SCUBE1: variants seen among roughly 807,000 people sequenced by gnomAD.
SCUBE1 encodes the protein signal peptide, CUB and EGF-like domain-containing protein 1.
A neutral mutation model predicts 124.4 loss-of-function variants in SCUBE1; 59 were observed. The observed-to-expected ratio is 0.47, with a 90% confidence interval of 0.38 to 0.59. The LOEUF (loss-of-function observed/expected upper bound fraction) is 0.59. SCUBE1 is among the 20% of genes least tolerant of loss of function. The pLI is 0.00. For synonymous variants in SCUBE1, 545 were observed against 550.9 expected, an observed-to-expected ratio of 0.99 and a Z score of 0.15; for missense variants, 1,150 against 1,371.2, an observed-to-expected ratio of 0.84 and a Z score of 2.55.
chr22:43,336,691 A>G lies in SCUBE1; in HGVS notation c.220+2413T>C, dbSNP rs559816398. ...CCTAGAGTCAGAAGTGTGATGATGG[A>G]GGGAAGCCCAGAAGCCTCTGGGAGC... On this transcript the variant is annotated intron_variant, in intron 2 of 21. Transcript: ENST00000360835. Among the ~76,000 whole-genome samples, 4 of 152,268 alleles carry G rather than the reference A, an allele frequency of 2.6e-5. No individual in the cohort carries two copies. The East Asian group carries it at 7.7e-4, about 29-fold the overall frequency.
At chr22:43,212,266 C>T (rs184842783) in intron 17 of SCUBE1, among the ~76,000 whole-genome samples, 159 bp downstream of exon 17, 6 of 152,252 alleles carry the variant, frequency 3.9e-5, no homozygotes, top group African/African-American at 1.4e-4. Flanking sequence ...ATGCGGGGCA[C>T]AGTGGGTCAC....
intron 7 of SCUBE1, 89 bp downstream of exon 7, chr22:43,238,749 C>G (rs562692014): frequency 1.8e-6 from 2 of 1,104,800 alleles, no homozygotes; most frequent in Non-Finnish European, 2.8e-6. Flanking sequence ...CCCCGTTCAG[C>G]CCAGCCCTGG....
chr22:43,208,374 C>T (rs1921389000), intron 19 of SCUBE1, 150 bp from the exon 20 acceptor site: 2 of 716,004 alleles, frequency 2.8e-6, no homozygotes, highest in Admixed American at 2.4e-5. Context: ...CTTGCTCCCT[C>T]TGCCTCTGAG....
chr22:43,215,012 C>T (rs1921748193), intron 15 of SCUBE1, among the ~76,000 whole-genome samples: 1 of 152,118 alleles, frequency 6.6e-6, no homozygotes, highest in East Asian at 1.9e-4. Flanking sequence ...TGTGTGTGCA[C>T]GTGTATACAC....
intron 2 of SCUBE1, among the ~76,000 whole-genome samples, chr22:43,320,920 G>A (rs1926521519): frequency 6.6e-6 from 1 of 152,244 alleles, no homozygotes; most frequent in African/African-American, 2.4e-5. Flanking sequence ...GTCCTTGGGA[G>A]GGCACCAGGC....
At chr22:43,269,632 TCC>T (rs1315714838) in intron 4 of SCUBE1, among the ~76,000 whole-genome samples, 2 of 151,932 alleles carry the variant, frequency 1.3e-5, no homozygotes, top group Non-Finnish European at 2.9e-5. Flanking sequence ...GCTGCGCCCT[TCC>T]CCCTCAACTT....
intron 1 of SCUBE1, among the ~76,000 whole-genome samples, chr22:43,342,614 C>T (rs932906862): frequency 2.0e-5 from 3 of 151,960 alleles, no homozygotes; most frequent in Non-Finnish European, 2.9e-5. Context: ...GATCCACCGG[C>T]CTCCTCCTCC....
intron 4 of SCUBE1, among the ~76,000 whole-genome samples, chr22:43,287,138 A>C (rs1463893319): frequency 2.0e-5 from 3 of 152,190 alleles, no homozygotes; most frequent in Non-Finnish European, 2.9e-5. Flanking sequence ...GGGTGCTATC[A>C]TGGGGCCAGA....
chr22:43,204,941 C>CAAAA (rs55783565), intron 21 of SCUBE1, among the ~76,000 whole-genome samples: 2 of 77,314 alleles, frequency 2.6e-5, no homozygotes, highest in African/African-American at 4.4e-5. Flanking sequence ...GAGACTGTCT[C>CAAAA]AAAAAAAAAA....
chr22:43,339,890 A>C (rs72487670), intron 1 of SCUBE1, among the ~76,000 whole-genome samples: 1 of 44,398 alleles, frequency 2.3e-5, no homozygotes, highest in Non-Finnish European at 3.9e-5. Flanking sequence ...CATCACTCCA[A>C]CCCTCCCCTA....
At chr22:43,320,101 G>A (rs1317160226) in intron 2 of SCUBE1, 36 bp from the exon 3 acceptor site, 4 of 1,611,844 alleles carry the variant, frequency 2.5e-6, no homozygotes, top group East Asian at 2.2e-5. Flanking sequence ...GTCAGAAGAA[G>A]AGCCTGGTGG....
chr22:43,264,917 C>T (rs938836887), intron 4 of SCUBE1, among the ~76,000 whole-genome samples: 3 of 152,276 alleles, frequency 2.0e-5, no homozygotes, highest in African/African-American at 7.2e-5. Context: ...CCCCATGCCA[C>T]CACCCATGTG....
chr22:43,202,752 A>AGGTTTCCCTGTGAATG lies in SCUBE1; in HGVS notation c.*1229_*1244dup, dbSNP rs1921056792. The AGGTTTCCCTGTGAATG allele has an allele frequency of 6.6e-6, 1 of 152,222 alleles. No individual in the cohort carries two copies. Among genetic ancestry groups the AGGTTTCCCTGTGAATG allele is most frequent in the Non-Finnish European group, 1.5e-5 (1 of 68,042 alleles). The allele number at this position is 152,222 out of a possible 1,614,324, so 9.4% of individuals were successfully genotyped here. A position where few individuals can be genotyped will look rare whatever the true frequency, so the allele number is the denominator to read the frequency against. The stretch of plus-strand genomic sequence containing the variant: ...CCTCTTTCCTTTATAGGAAGGAAAG[A>AGGTTTCCCTGTGAATG]GGTTTCCCTGTGAATGGGGGTGGCA... On this transcript the variant is annotated 3_prime_UTR_variant, in exon 22 of 22. Transcript: ENST00000360835.
At chr22:43,273,480 T>C (rs1924370364) in intron 4 of SCUBE1, among the ~76,000 whole-genome samples, 2 of 149,980 alleles carry the variant, frequency 1.3e-5, no homozygotes, top group South Asian at 4.2e-4. Flanking sequence ...CTGATTTGCG[T>C]CCCCATCCCA....
rs1923730341 is a variant in SCUBE1 at position 43,258,080 on chromosome 22, T to C, written c.727+139A>G. On this transcript the variant is annotated intron_variant, in intron 6 of 21. Coordinates refer to ENST00000360835, the MANE Select transcript of SCUBE1 (RefSeq NM_173050.5). The surrounding 1 kb of genome is among the most constrained non-coding windows in gnomAD (Gnocchi z 5.0). Reference sequence around the variant, plus strand: ...GCGCCGGCCATCCCCGCCATTGCCATGGGCTTGCCTTTCCTTGTTTCCCTG... The same window carrying C: ...GCGCCGGCCATCCCCGCCATTGCCACGGGCTTGCCTTTCCTTGTTTCCCTG... 1 of 691,678 alleles carries C rather than the reference T, an allele frequency of 1.4e-6. No individual in the cohort carries two copies. Among genetic ancestry groups the C allele is most frequent in the Non-Finnish European group, 2.6e-6 (1 of 391,630 alleles). 42.8% of individuals were successfully genotyped at this position (691,678 alleles called of 1,614,324 possible).
At chr22:43,229,304 C>G (rs2146677049) in intron 8 of SCUBE1, 116 bp from the exon 9 acceptor site, 1 of 758,392 alleles carries the variant, frequency 1.3e-6, no homozygotes, top group East Asian at 2.5e-5. Flanking sequence ...TCCCTGGGCG[C>G]AGGCGCAGCA....
intron 4 of SCUBE1, among the ~76,000 whole-genome samples, chr22:43,277,760 T>TAG (rs2146730668): frequency 6.6e-6 from 1 of 152,366 alleles, no homozygotes; most frequent in South Asian, 2.1e-4. Flanking sequence ...TGCACAGTTC[T>TAG]AGTGATCTGG....
chr22:43,332,263 G>A (rs991210935), intron 2 of SCUBE1, among the ~76,000 whole-genome samples: 2 of 152,140 alleles, frequency 1.3e-5, no homozygotes, highest in African/African-American at 4.8e-5. Flanking sequence ...ACTCCAGCCT[G>A]GTGACAAAGC....
chr22:43,252,805 G>A (rs1286398863), intron 6 of SCUBE1, among the ~76,000 whole-genome samples: 2 of 152,174 alleles, frequency 1.3e-5, no homozygotes, highest in Non-Finnish European at 2.9e-5. Flanking sequence ...GCATGGGGCA[G>A]GATGGGAACG....
Sources: allele counts gnomAD v4.1 joint callset (sites outside exome capture counted in the v4.1 genomes callset), GRCh38; gene constraint gnomAD v4.1.1; non-coding constraint Gnocchi (gnomAD v3.1); transcripts MANE v1.5; gene names NCBI Gene and HGNC (gene_info 2026-07-23, HGNC 2026-07-21).